STXBP5L: variants seen among roughly 807,000 people sequenced by gnomAD.
The protein encoded by STXBP5L is syntaxin-binding protein 5-like.
In STXBP5L, 65 loss-of-function variants were observed where a neutral mutation model predicts 144.5. That is an observed-to-expected ratio of 0.45 (90% CI 0.37 to 0.55). The LOEUF (loss-of-function observed/expected upper bound fraction) is 0.55. STXBP5L is among the 20% of genes least tolerant of loss of function. The pLI is 0.00. For synonymous variants in STXBP5L, 505 were observed against 469.6 expected (o/e 1.08, Z -0.97); for missense variants, 1,298 against 1,405.5 (o/e 0.92, Z 1.22).
chr3:121,045,718 C>G (rs934807732), intron 5 of STXBP5L, among the ~76,000 whole-genome samples, 183 bp downstream of exon 5: 1 of 152,084 alleles, frequency 6.6e-6, no homozygotes, highest in African/African-American at 2.4e-5. Flanking sequence ...TAGATCCAGT[C>G]ACCTACTAAT....
At chr3:121,305,183 A>G (rs1277752162) in intron 19 of STXBP5L, among the ~76,000 whole-genome samples, 1 of 152,168 alleles carries the variant, frequency 6.6e-6, no homozygotes, top group African/African-American at 2.4e-5. Context: ...AATACCCACA[A>G]CAAAGAAAAC....
chr3:121,335,026 G>T (rs761406786), intron 20 of STXBP5L, among the ~76,000 whole-genome samples: 1 of 152,182 alleles, frequency 6.6e-6, no homozygotes, highest in Non-Finnish European at 1.5e-5. Flanking sequence ...ATTCCTGTTT[G>T]CAGATGACAT....
At chr3:121,007,688 T>C (rs564777750) in intron 3 of STXBP5L, among the ~76,000 whole-genome samples, 2 of 152,048 alleles carry the variant, frequency 1.3e-5, no homozygotes, top group Non-Finnish European at 2.9e-5. Context: ...GTTGTTTACA[T>C]AGGCAGAATG....
At chr3:121,406,045 A>T (rs996471573) in intron 22 of STXBP5L, among the ~76,000 whole-genome samples, 4 of 152,066 alleles carry the variant, frequency 2.6e-5, no homozygotes, top group African/African-American at 9.7e-5. Context: ...GAACAGCAGG[A>T]TCAATCCTAG....
chr3:121,333,644 A>G (rs2044403594), intron 20 of STXBP5L, among the ~76,000 whole-genome samples: 1 of 152,142 alleles, frequency 6.6e-6, no homozygotes, highest in African/African-American at 2.4e-5. Flanking sequence ...GGTAATAAAG[A>G]GTAAAAGAGA....
In STXBP5L at chr3:121,418,453, G is replaced by A. The variant is rs373203919; in HGVS notation, c.3343G>A (p.Ala1115Thr). ...AGGVMGELTR[A>T]RIALDERGQR... is the part of the protein sequence containing the mutation. ...AGGGGTGATGGGAGAGCTGACCCGT[G>A]CACGGATTGCACTTGATGAAAGAGG... The change falls in exon 26 of 27, where the codon GCA (alanine) becomes ACA (threonine). Residue 1115 changes from alanine to threonine, a missense_variant. Transcript: ENST00000471454. 1.2e-5 allele frequency: 20 copies of A among 1,614,098 alleles called. No individual in the cohort carries two copies. In the Middle Eastern group the frequency reaches 6.6e-4, roughly 53 times the overall value.
intron 5 of STXBP5L, among the ~76,000 whole-genome samples, chr3:121,087,346 T>C (rs9847337): frequency 6.6e-6 from 1 of 152,078 alleles, no homozygotes; most frequent in Middle Eastern, 3.4e-3. Flanking sequence ...TTTTATTTAA[T>C]GTATTTTGCA....
intron 22 of STXBP5L, among the ~76,000 whole-genome samples, chr3:121,395,008 TTCAGA>T (rs2046693688): frequency 6.6e-6 from 1 of 152,210 alleles, no homozygotes; most frequent in South Asian, 2.1e-4. Context: ...GTGGCATGAA[TTCAGA>T]CTTTTGCCAG....
chr3:121,254,094 T>A (rs2050130550), intron 15 of STXBP5L, among the ~76,000 whole-genome samples: 1 of 152,176 alleles, frequency 6.6e-6, no homozygotes, highest in Non-Finnish European at 1.5e-5. Context: ...TCAGGCCGGT[T>A]ATTTTATAGA....
intron 7 of STXBP5L, among the ~76,000 whole-genome samples, chr3:121,144,943 T>C (rs887597327): frequency 1.3e-5 from 2 of 151,946 alleles, no homozygotes; most frequent in Non-Finnish European, 2.9e-5. Context: ...TTATATCAGG[T>C]ATCTAAAATA....
rs76249988 is a variant in STXBP5L at position 121,100,785 on chromosome 3, C to G, written c.471-14140C>G. Among the ~76,000 whole-genome samples the G allele has an allele frequency of 8.0e-3, 1,194 of 149,224 alleles. 14 individuals are homozygous for G. The highest frequency in any genetic ancestry group is 0.028 in the African/African-American group (1,151 of 40,674). ...TGAAATTAAGACCCCAAAATCCACA[C>G]AATATATCGACAAAAAAAAAAAGTT... On this transcript the variant is annotated intron_variant, in intron 5 of 26. Coordinates refer to ENST00000471454, the MANE Select transcript of STXBP5L (RefSeq NM_001308330.2).
intron 20 of STXBP5L, among the ~76,000 whole-genome samples, chr3:121,338,077 G>A (rs546206669): frequency 7.2e-4 from 110 of 152,208 alleles, no homozygotes; most frequent in African/African-American, 2.6e-3. Flanking sequence ...AAAGTTTATA[G>A]CACTAAATGC....
chr3:120,935,822 A>G (rs570404078), intron 2 of STXBP5L, among the ~76,000 whole-genome samples: 10 of 151,804 alleles, frequency 6.6e-5, no homozygotes, highest in African/African-American at 2.2e-4. Flanking sequence ...GATCTTCTGT[A>G]GTTTGGATAT....
intron 5 of STXBP5L, among the ~76,000 whole-genome samples, chr3:121,100,932 A>G (rs1235602788): frequency 2.0e-5 from 3 of 152,132 alleles, no homozygotes; most frequent in Non-Finnish European, 4.4e-5. Context: ...TCCCACAAAA[A>G]CATAAAATAT....
At chr3:121,234,836 C>A (rs191831046) in intron 12 of STXBP5L, among the ~76,000 whole-genome samples, 1 of 151,958 alleles carries the variant, frequency 6.6e-6, no homozygotes, top group African/African-American at 2.4e-5. Context: ...CTAAGAAGTT[C>A]TAATATGAGT....
At chr3:121,239,163 A>T in intron 13 of STXBP5L, 45 bp downstream of exon 13, 1 of 1,140,472 alleles carries the variant, frequency 8.8e-7, no homozygotes, top group East Asian at 2.7e-5. Context: ...TTCATATCAC[A>T]TGATCATACT....
intron 20 of STXBP5L, among the ~76,000 whole-genome samples, chr3:121,338,652 GAAAA>G (rs1226105927): frequency 1.4e-5 from 2 of 143,230 alleles, no homozygotes; most frequent in African/African-American, 5.2e-5. Context: ...AAGAGAGAAA[GAAAA>G]AGAGAAAGAA....
intron 20 of STXBP5L, among the ~76,000 whole-genome samples, chr3:121,335,189 AAC>A (rs2044462718): frequency 6.6e-6 from 1 of 152,192 alleles, no homozygotes; most frequent in African/African-American, 2.4e-5. Context: ...CCAAATCAAA[AAC>A]ACAATCCCAT....
intron 15 of STXBP5L, 93 bp downstream of exon 15, chr3:121,250,856 G>C: frequency 8.8e-7 from 1 of 1,132,636 alleles, no homozygotes; most frequent in Middle Eastern, 2.3e-4. Flanking sequence ...TAAAATTTCA[G>C]ATATATTTTT....
Sources: gnomAD v4.1 joint callset for allele counts (sites outside exome capture counted in the v4.1 genomes callset) on GRCh38, gnomAD v4.1.1 for gene constraint, MANE v1.5 for transcripts, NCBI Gene and HGNC (gene_info 2026-07-23, HGNC 2026-07-21) for gene names.